Variants in C7orf78 observed in about 807,000 individuals in gnomAD.
C7orf78 encodes the protein putative uncharacterized protein C7orf78.
At chr7:12,533,580 G>T in the C7orf78 span, among the ~76,000 whole-genome samples, 7 of 144,978 alleles carry the variant, frequency 4.8e-5, no homozygotes, top group African/African-American at 1.0e-4. Context: ...GCAGTGGTAC[G>T]ATCTCAGTTC....
At chr7:12,507,497 T>A in the C7orf78 span, 1 of 205,442 alleles carries the variant, frequency 4.9e-6, no homozygotes, top group South Asian at 1.0e-4. Context: ...TTGACATACC[T>A]GGAATGTAGA....
chr7:12,505,186 C>T, the C7orf78 span, among the ~76,000 whole-genome samples: 80 of 152,032 alleles, frequency 5.3e-4, no homozygotes, highest in African/African-American at 1.9e-3. Flanking sequence ...TTGGGTTTTA[C>T]ATACAGTTTT....
chr7:12,531,384 G>C, the C7orf78 span, among the ~76,000 whole-genome samples: 2 of 152,114 alleles, frequency 1.3e-5, no homozygotes, highest in Admixed American at 6.5e-5. Flanking sequence ...TCTGAGAAGT[G>C]GGGAGGAGGG....
the C7orf78 span, among the ~76,000 whole-genome samples, chr7:12,531,897 T>C: frequency 5.9e-5 from 9 of 152,178 alleles, no homozygotes; most frequent in Admixed American, 5.9e-4. Context: ...AAAGTAGGCC[T>C]ACTGCAGCAG....
chr7:12,486,243 C>G, the C7orf78 span, among the ~76,000 whole-genome samples: 1 of 151,902 alleles, frequency 6.6e-6, no homozygotes, highest in Non-Finnish European at 1.5e-5. Context: ...TAATAGAACT[C>G]CATTCCATCT....
the C7orf78 span, among the ~76,000 whole-genome samples, chr7:12,487,716 C>T: frequency 0.036 from 5,540 of 152,042 alleles, 142 homozygotes; most frequent in Non-Finnish European, 0.055. Flanking sequence ...GCCAGCGTAG[C>T]GGAAAAATTG....
At chr7:12,499,797 A>G in the C7orf78 span, among the ~76,000 whole-genome samples, 1 of 150,276 alleles carries the variant, frequency 6.7e-6, no homozygotes, top group Non-Finnish European at 1.5e-5. Context: ...GCACCACACC[A>G]CACCTATTCC....
the C7orf78 span, among the ~76,000 whole-genome samples, chr7:12,493,304 G>A: frequency 6.6e-6 from 1 of 152,180 alleles, no homozygotes; most frequent in African/African-American, 2.4e-5. Context: ...AAAGTTGCTG[G>A]GATGAGGAAA....
At chr7:12,538,176 A>T in the C7orf78 span, 3 of 152,180 alleles carry the variant, frequency 2.0e-5, no homozygotes. Context: ...AATTTTTTTA[A>T]TTGGGAGATT....
the C7orf78 span, among the ~76,000 whole-genome samples, chr7:12,532,134 G>A: frequency 2.6e-5 from 4 of 152,148 alleles, no homozygotes; most frequent in East Asian, 1.9e-4. Context: ...CTGGTCCCAG[G>A]TAGTTATTTC....
At chr7:12,535,026 A>G in the C7orf78 span, among the ~76,000 whole-genome samples, 1 of 98,498 alleles carries the variant, frequency 1.0e-5, no homozygotes, top group Non-Finnish European at 2.3e-5. Flanking sequence ...AAGGAAACAG[A>G]TTTCATACAA....
At chr7:12,517,885 A>G in the C7orf78 span, among the ~76,000 whole-genome samples, 2 of 151,958 alleles carry the variant, frequency 1.3e-5, no homozygotes, top group Non-Finnish European at 2.9e-5. Context: ...GGATTTTGTG[A>G]AATTTTTTTG....
At chr7:12,488,425 C>T in the C7orf78 span, among the ~76,000 whole-genome samples, 27,759 of 151,990 alleles carry the variant, frequency 0.18, 2,947 homozygotes, top group Middle Eastern at 0.26. Context: ...AATGCAAATA[C>T]AAACTAACTA....
chr7:12,514,666 T>C, the C7orf78 span, among the ~76,000 whole-genome samples: 1 of 152,250 alleles, frequency 6.6e-6, no homozygotes, highest in African/African-American at 2.4e-5. Context: ...TAGTTTTCTG[T>C]TGTGGTACTA....
At chr7:12,496,303 G>A in the C7orf78 span, 1 of 152,170 alleles carries the variant, frequency 6.6e-6, no homozygotes, top group African/African-American at 2.4e-5. Flanking sequence ...TACCTGAGAG[G>A]AGACTTTTGG....
the C7orf78 span, among the ~76,000 whole-genome samples, chr7:12,494,926 G>T: frequency 6.7e-6 from 1 of 150,026 alleles, no homozygotes. Context: ...GGTACCGATA[G>T]ACAACTTTTC....
the C7orf78 span, among the ~76,000 whole-genome samples, chr7:12,512,776 G>T: frequency 2.0e-5 from 3 of 152,098 alleles, no homozygotes; most frequent in Non-Finnish European, 4.4e-5. Context: ...TACATGTTTA[G>T]TACAGTTTAG....
chr7:12,511,689 A>G, the C7orf78 span, among the ~76,000 whole-genome samples: 2 of 152,060 alleles, frequency 1.3e-5, no homozygotes, highest in Non-Finnish European at 2.9e-5. Flanking sequence ...GTATAGAAAC[A>G]CTACTAATTT....
At chr7:12,513,362 G>T in the C7orf78 span, among the ~76,000 whole-genome samples, 1 of 151,644 alleles carries the variant, frequency 6.6e-6, no homozygotes, top group Non-Finnish European at 1.5e-5. Flanking sequence ...TGCTGTTGTT[G>T]CTCTTGTTTT....
Sources: allele counts gnomAD v4.1 joint callset (sites outside exome capture counted in the v4.1 genomes callset), GRCh38; gene constraint gnomAD v4.1.1; transcripts MANE v1.5; gene names NCBI Gene and HGNC (gene_info 2026-07-23, HGNC 2026-07-21).